Variants in ARL17A observed in about 807,000 individuals in gnomAD.
The protein encoded by ARL17A is ADP-ribosylation factor-like 17-like.
chr17:46,504,731 CT>C, the ARL17A span: 1 of 44,270 alleles, frequency 2.3e-5, no homozygotes, highest in African/African-American at 1.6e-4. Context: ...CATATCAAGC[CT>C]TTCCCTCTCT....
chr17:46,530,058 GGT>G (rs887583523), intron 4 of ARL17A, among the ~76,000 whole-genome samples: 3 of 148,226 alleles, frequency 2.0e-5, no homozygotes, highest in African/African-American at 7.5e-5. Flanking sequence ...CATTATTTTT[GGT>G]GTTTAGAAAA....
Position 46,528,786 on chromosome 17 carries a change from A to G in ARL17A, c.409T>C (p.Phe137Leu), listed in dbSNP as rs984085701. Residue 137 changes from phenylalanine (F) to leucine (L), a missense_variant, in exon 5 of 5, where the codon TTC (phenylalanine) becomes CTC (leucine). Transcript: ENST00000329240. ...CAGATTCTCTAGATTTTGCCCCTGA[A>G]AAAGCATTTACGTGATGCAGTCCGA... 16 of 672,676 alleles carry G rather than the reference A, an allele frequency of 2.4e-5. No individual in the cohort carries two copies. The African/African-American group carries it at 3.0e-4, about 12-fold the overall frequency. The allele number at this position is 672,676 out of a possible 1,614,324, so 41.7% of individuals were successfully genotyped here. A position where few individuals can be genotyped will look rare whatever the true frequency, so the allele number is the denominator to read the frequency against.
At chr17:46,535,483 GTA>G (rs1218825141) in intron 4 of ARL17A, among the ~76,000 whole-genome samples, 1 of 81,820 alleles carries the variant, frequency 1.2e-5, no homozygotes, top group African/African-American at 8.7e-5. Flanking sequence ...CTCATTATGT[GTA>G]TGTTAGTAAG....
At chr17:46,568,765 A>C (rs1183146493) in intron 3 of ARL17A, among the ~76,000 whole-genome samples, 1 of 93,520 alleles carries the variant, frequency 1.1e-5, no homozygotes. Context: ...AGATTGTGCC[A>C]CTGCACGAGA....
At position 46,539,768 on chromosome 17, in the gene ARL17A, C is replaced by CA. The variant is rs1204528686; in HGVS notation, c.260-1343dup. On this transcript the variant is annotated intron_variant, in intron 3 of 4. Coordinates refer to the ARL17A transcript ENST00000329240. ...GGGCAACAAGAGCGAGACTCCATCT[C>CA]AAAAAAAAAAAAAAAAAAAAAATAG... Among the ~76,000 whole-genome samples, 133 of 66,988 alleles carry CA rather than the reference C, an allele frequency of 2.0e-3. 1 individual carries two copies. Among genetic ancestry groups the CA allele is most frequent in the African/African-American group, 6.8e-3 (92 of 13,516 alleles). The allele number at this position is 66,988 out of a possible 152,430, so 43.9% of individuals were successfully genotyped here.
intron 3 of ARL17A, among the ~76,000 whole-genome samples, chr17:46,544,235 A>C (rs946383783): frequency 4.1e-5 from 1 of 24,226 alleles, no homozygotes; most frequent in African/African-American, 4.6e-4. Context: ...ACCCAAAGGA[A>C]TACTACTAGT....
chr17:46,545,879 C>G lies in ARL17A; in HGVS notation c.260-7453G>C, dbSNP rs567970783. On this transcript the variant is annotated intron_variant, in intron 3 of 4. Transcript: ENST00000329240. The stretch of plus-strand genomic sequence containing the variant: ...AATTTATAATATTTCCCACTCCCAA[C>G]AGGAATTGAGAAAGGGACTCCAGAA... 2.5e-3 allele frequency among the ~76,000 whole-genome samples: 374 copies of G among 150,380 alleles called. 9 individuals are homozygous for G. The highest frequency in any genetic ancestry group is 9.1e-3 in the African/African-American group (361 of 39,810).
At chr17:46,526,391 CAAAA>C (rs1024611502), downstream of ARL17A, among the ~76,000 whole-genome samples, 52 of 100,972 alleles carry the variant, frequency 5.1e-4, 1 homozygote, top group Admixed American at 6.3e-4. Context: ...AAAAAACAAA[CAAAA>C]AAAGAGGCCC....
At chr17:46,540,704 A>G (rs2055160433) in intron 3 of ARL17A, 1 of 1,330,370 alleles carries the variant, frequency 7.5e-7, no homozygotes, top group South Asian at 1.3e-5. Flanking sequence ...CAGCAAATAA[A>G]GTCTTGAGCT....
the ARL17A span, among the ~76,000 whole-genome samples, chr17:46,511,160 ATTAT>A: frequency 1.6e-5 from 2 of 121,588 alleles, no homozygotes; most frequent in Non-Finnish European, 3.5e-5. Flanking sequence ...CAAAACAGTC[ATTAT>A]TTACTATTTA....
intron 3 of ARL17A, among the ~76,000 whole-genome samples, chr17:46,541,055 T>A (rs1203603439): frequency 7.8e-6 from 1 of 127,482 alleles, no homozygotes; most frequent in Admixed American, 7.8e-5. Flanking sequence ...CACCACCACA[T>A]TCCCAATATA....
intron 3 of ARL17A, among the ~76,000 whole-genome samples, chr17:46,543,817 TGGG>T (rs1186317922): frequency 1.3e-5 from 2 of 150,744 alleles, no homozygotes; most frequent in South Asian, 2.1e-4. Context: ...AATAAAAACT[TGGG>T]GGCAGAAAAA....
chr17:46,545,974 T>G (rs1450694742), intron 3 of ARL17A, among the ~76,000 whole-genome samples: 1 of 144,378 alleles, frequency 6.9e-6, no homozygotes, highest in Non-Finnish European at 1.5e-5. Context: ...AAGTGAGACT[T>G]TTGAATTGGG....
rs2056911005 is a variant in ARL17A at position 46,552,765 on chromosome 17, C to T, written c.*4591G>A. On this transcript the variant is annotated 3_prime_UTR_variant, in exon 4 of 4. Transcript: ENST00000336125. Reference sequence around the variant, plus strand: ...CAATATAACAACTGTCAACAATGTACAATATGTATACATTTTATTAGTGAT... The same window carrying T: ...CAATATAACAACTGTCAACAATGTATAATATGTATACATTTTATTAGTGAT... 1 of 98,926 alleles carries T rather than the reference C, an allele frequency of 1.0e-5. No individual in the cohort carries two copies. Among genetic ancestry groups the T allele is most frequent in the Admixed American group, 1.1e-4 (1 of 9,394 alleles). The allele number at this position is 98,926 out of a possible 1,614,324, so 6.1% of individuals were successfully genotyped here.
chr17:46,534,855 G>A (rs1239623398), intron 4 of ARL17A, among the ~76,000 whole-genome samples: 1 of 149,534 alleles, frequency 6.7e-6, no homozygotes, highest in Non-Finnish European at 1.5e-5. Flanking sequence ...AGACAGGGCG[G>A]CTGCCGGGCA....
At chr17:46,550,623 C>T, downstream of ARL17A, 2 of 610,006 alleles carry the variant, frequency 3.3e-6, no homozygotes, top group Non-Finnish European at 6.1e-6. Context: ...CCTGCTGCTA[C>T]TTGACATACT....
intron 3 of ARL17A, among the ~76,000 whole-genome samples, chr17:46,542,086 ACTGCACT>A (rs1012027135): frequency 1.4e-5 from 2 of 139,858 alleles, no homozygotes; most frequent in African/African-American, 5.9e-5. Flanking sequence ...AGATTGCACC[ACTGCACT>A]CTAACCTGGG....
chr17:46,534,902 G>A (rs563319509), intron 4 of ARL17A, among the ~76,000 whole-genome samples: 1 of 149,354 alleles, frequency 6.7e-6, no homozygotes, highest in Non-Finnish European at 1.5e-5. Flanking sequence ...GCGGCTGCTG[G>A]GCGGAGGGGC....
the ARL17A span, among the ~76,000 whole-genome samples, chr17:46,501,922 C>T: frequency 1.3e-5 from 2 of 151,244 alleles, no homozygotes; most frequent in East Asian, 1.9e-4. Context: ...ACACCCTCTT[C>T]AATCCTGGTT....
Sources: allele counts gnomAD v4.1 joint callset (sites outside exome capture counted in the v4.1 genomes callset), GRCh38; gene constraint gnomAD v4.1.1; transcripts MANE v1.5; gene names NCBI Gene and HGNC (gene_info 2026-07-23, HGNC 2026-07-21).